Variants in SEMA3E observed in about 807,000 individuals in gnomAD.
SEMA3E encodes semaphorin-3E.
A neutral mutation model predicts 93.6 loss-of-function variants in SEMA3E; 49 were observed. The observed-to-expected ratio is 0.52, with a 90% confidence interval of 0.42 to 0.66. SEMA3E has a LOEUF of 0.66. SEMA3E is among the 30% of genes least tolerant of loss of function. The pLI, the probability that SEMA3E is intolerant of heterozygous loss-of-function variation, is 0.00. For missense variants in SEMA3E, 906 were observed against 964.8 expected, an observed-to-expected ratio of 0.94 and a Z score of 0.81; for synonymous variants, 363 against 330.7, an observed-to-expected ratio of 1.10 and a Z score of -1.06.
In SEMA3E at chr7:83,445,440, G is replaced by A. The variant is rs114482054; in HGVS notation, c.456+21042C>T. ...TGTCATCAAGAGTATAGGTGGGGCC[G>A]GGCACGGTGGCTCACGCCTGTAATC... On this transcript the variant is annotated intron_variant, in intron 4 of 16. Coordinates refer to ENST00000643230, the MANE Select transcript of SEMA3E (RefSeq NM_012431.3). 5.1e-3 allele frequency among the ~76,000 whole-genome samples: 779 copies of A among 152,282 alleles called. 4 individuals are homozygous for A. The highest frequency in any genetic ancestry group is 0.017 in the African/African-American group (696 of 41,564).
At chr7:83,548,661 C>G (rs578024305) in intron 1 of SEMA3E, among the ~76,000 whole-genome samples, 13 of 152,184 alleles carry the variant, frequency 8.5e-5, no homozygotes, top group African/African-American at 3.1e-4. Flanking sequence ...AAGAAGTTGT[C>G]AATTCTCTGC....
rs367677696 is a variant in SEMA3E at position 83,509,848 on chromosome 7, A to C, written c.116-19574T>G. Among the ~76,000 whole-genome samples, 11 of 152,330 alleles carry C rather than the reference A, an allele frequency of 7.2e-5. 1 individual carries two copies. The highest frequency in any genetic ancestry group is 7.2e-5 in the African/African-American group (3 of 41,576). ...TCTGCTAATGCTCAGCTATTAGATA[A>C]GGTACATACATAGTATTTACTTAGT... is the stretch of plus-strand genomic sequence containing the variant. On this transcript the variant is annotated intron_variant, in intron 1 of 16. Transcript: ENST00000643230.
chr7:83,461,645 CAGCCCT>C (rs1789619353), intron 4 of SEMA3E, among the ~76,000 whole-genome samples: 1 of 152,144 alleles, frequency 6.6e-6, no homozygotes, highest in Admixed American at 6.5e-5. Context: ...AGACACTTTA[CAGCCCT>C]AGACCCTAAA....
chr7:83,576,653 TCTCA>T (rs1792406639), intron 1 of SEMA3E, among the ~76,000 whole-genome samples: 2 of 152,060 alleles, frequency 1.3e-5, no homozygotes, highest in South Asian at 4.2e-4. Context: ...TGAGACGGAG[TCTCA>T]CTCTGTTGTC....
At chr7:83,380,340 T>C (rs1787752749) in intron 16 of SEMA3E, among the ~76,000 whole-genome samples, 1 of 151,960 alleles carries the variant, frequency 6.6e-6, no homozygotes, top group Admixed American at 6.6e-5. Flanking sequence ...CTTGACATTC[T>C]GTTTATCTCC....
chr7:83,559,081 A>G (rs1481148152), intron 1 of SEMA3E, among the ~76,000 whole-genome samples: 1 of 152,100 alleles, frequency 6.6e-6, no homozygotes, highest in Admixed American at 6.6e-5. Context: ...ATTGGTGCTC[A>G]TCTTTGACTG....
At chr7:83,484,973 G>C (rs1158451958) in intron 2 of SEMA3E, among the ~76,000 whole-genome samples, 1 of 152,168 alleles carries the variant, frequency 6.6e-6, no homozygotes, top group Non-Finnish European at 1.5e-5. Flanking sequence ...AGTTCATTGG[G>C]AATTCATGCA....
chr7:83,567,881 G>A (rs1792196222), intron 1 of SEMA3E, among the ~76,000 whole-genome samples: 1 of 151,472 alleles, frequency 6.6e-6, no homozygotes, highest in Non-Finnish European at 1.5e-5. Flanking sequence ...CCTCAAATTA[G>A]AAGGAAAGAA....
intron 2 of SEMA3E, among the ~76,000 whole-genome samples, chr7:83,476,256 T>C (rs1290530492): frequency 6.6e-6 from 1 of 152,196 alleles, no homozygotes; most frequent in East Asian, 1.9e-4. Context: ...GAAATCAGGT[T>C]CATTGACATG....
At chr7:83,545,936 T>C (rs755019608) in intron 1 of SEMA3E, among the ~76,000 whole-genome samples, 177 of 146,802 alleles carry the variant, frequency 1.2e-3, no homozygotes, top group Non-Finnish European at 2.2e-3. Flanking sequence ...GCATTTATAC[T>C]TCATTTAGTG....
intron 1 of SEMA3E, among the ~76,000 whole-genome samples, chr7:83,630,251 A>C (rs1793759551): frequency 6.6e-6 from 1 of 152,204 alleles, no homozygotes; most frequent in South Asian, 2.1e-4. Flanking sequence ...CCCGGGAATA[A>C]AAATTGTTTC....
At chr7:83,596,784 T>C (rs1792883578) in intron 1 of SEMA3E, among the ~76,000 whole-genome samples, 1 of 152,160 alleles carries the variant, frequency 6.6e-6, no homozygotes, top group South Asian at 2.1e-4. Context: ...TGATGGCATC[T>C]TAGACCTTCC....
At chr7:83,396,305 T>C (rs976572444) in intron 12 of SEMA3E, among the ~76,000 whole-genome samples, 2 of 152,098 alleles carry the variant, frequency 1.3e-5, no homozygotes, top group African/African-American at 4.8e-5. Flanking sequence ...AATATGAAAA[T>C]GTATTTTTTT....
chr7:83,477,984 A>G (rs189912861), intron 2 of SEMA3E, among the ~76,000 whole-genome samples: 1,734 of 152,018 alleles, frequency 0.011, 31 homozygotes, highest in African/African-American at 0.04. Flanking sequence ...GCAATGGCAC[A>G]ATCTCGGCTC....
At chr7:83,490,053 A>C (rs942520480) in intron 2 of SEMA3E, 61 bp downstream of exon 2, 79 of 1,528,742 alleles carry the variant, frequency 5.2e-5, no homozygotes, top group Admixed American at 3.2e-4. Flanking sequence ...AAGACAAGTA[A>C]CATTCTTGAA....
At chr7:83,576,678 T>G (rs1792407181) in intron 1 of SEMA3E, among the ~76,000 whole-genome samples, 1 of 152,136 alleles carries the variant, frequency 6.6e-6, no homozygotes, top group African/African-American at 2.4e-5. Context: ...CAGGCTGGAG[T>G]GCAGTGGTGC....
Position 83,607,872 on chromosome 7 carries a change from T to C in SEMA3E, c.115+40556A>G, listed in dbSNP as rs1793159972. Among the ~76,000 whole-genome samples the C allele has an allele frequency of 2.6e-5, 4 of 152,046 alleles. No homozygotes were observed. The South Asian group carries it at 8.3e-4, about 31-fold the overall frequency. ...TATTCTGAGAGGAATTAGAAACTATTGAGGAGTTTTAATTAGAGGTGTGGT... is the reference window on the plus strand; with the variant it reads ...TATTCTGAGAGGAATTAGAAACTATCGAGGAGTTTTAATTAGAGGTGTGGT... On this transcript the variant is annotated intron_variant, in intron 1 of 16. Transcript: ENST00000643230.
At chr7:83,414,425 A>G (rs544027955) in intron 5 of SEMA3E, among the ~76,000 whole-genome samples, 1 of 152,202 alleles carries the variant, frequency 6.6e-6, no homozygotes, top group South Asian at 2.1e-4. Flanking sequence ...CATTCATTCA[A>G]TTGACATTGA....
At chr7:83,609,086 T>G (rs1793192062) in intron 1 of SEMA3E, among the ~76,000 whole-genome samples, 1 of 152,104 alleles carries the variant, frequency 6.6e-6, no homozygotes, top group Non-Finnish European at 1.5e-5. Context: ...TTCCTACACA[T>G]ACATTTCACA....
Sources: allele counts gnomAD v4.1 joint callset (sites outside exome capture counted in the v4.1 genomes callset), GRCh38; gene constraint gnomAD v4.1.1; transcripts MANE v1.5; gene names NCBI Gene and HGNC (gene_info 2026-07-23, HGNC 2026-07-21).